WWOX: variants seen among roughly 807,000 people sequenced by gnomAD.
WWOX encodes WW domain containing oxidoreductase, also known as WW domain-containing oxidoreductase.
A neutral mutation model predicts 46.2 loss-of-function variants in WWOX; 69 were observed. The ratio of observed to expected loss-of-function variants is 1.49; its 90% CI spans 1.23 to 1.82. The LOEUF (loss-of-function observed/expected upper bound fraction) is 1.82, where lower values mean the gene tolerates loss of function less well. WWOX is among the 40% of genes most tolerant of loss of function. WWOX has a pLI of 0.00. For synonymous variants in WWOX, 359 were observed against 202.6 expected (o/e 1.77, Z -6.56); for missense variants, 919 against 542.6 (o/e 1.69, Z -6.89).
chr16:78,313,812 C>T (rs908291446), intron 5 of WWOX, among the ~76,000 whole-genome samples: 1 of 152,130 alleles, frequency 6.6e-6, no homozygotes, highest in Non-Finnish European at 1.5e-5. Context: ...GTTTCACTAG[C>T]CTTTGATCCT....
intron 8 of WWOX, among the ~76,000 whole-genome samples, chr16:78,473,519 C>A (rs192890703): frequency 2.9e-3 from 440 of 151,938 alleles, no homozygotes; most frequent in Middle Eastern, 0.01. Context: ...ACCGACTGGC[C>A]CTCTCAGACA....
intron 8 of WWOX, among the ~76,000 whole-genome samples, chr16:79,160,136 T>A (rs185953602): frequency 1.3e-5 from 2 of 152,206 alleles, no homozygotes; most frequent in East Asian, 3.9e-4. Context: ...GCCGTTGGAG[T>A]GGGTGCCACG....
At chr16:79,028,312 G>C (rs1280585111) in intron 8 of WWOX, among the ~76,000 whole-genome samples, 10 of 151,732 alleles carry the variant, frequency 6.6e-5, no homozygotes, top group Non-Finnish European at 1.5e-4. Flanking sequence ...AGTTCCCCTG[G>C]ATGTAGTTGG....
chr16:78,936,600 C>T (rs1347), intron 8 of WWOX, among the ~76,000 whole-genome samples: 102,338 of 151,920 alleles, frequency 0.67, 35,127 homozygotes, highest in African/African-American at 0.81. Context: ...CTGGTACACC[C>T]TGGGCAAGGT....
chr16:79,098,545 AG>A (rs752262949), intron 8 of WWOX, among the ~76,000 whole-genome samples: 2 of 152,250 alleles, frequency 1.3e-5, no homozygotes, highest in Non-Finnish European at 2.9e-5. Context: ...TTTCTCCAAA[AG>A]CAATTATCAC....
At chr16:78,105,274 C>T (rs1597202223) in intron 1 of WWOX, among the ~76,000 whole-genome samples, 1 of 152,118 alleles carries the variant, frequency 6.6e-6, no homozygotes, top group African/African-American at 2.4e-5. Context: ...CCTGCCTGGC[C>T]AACATGGTGA....
chr16:78,853,594 C>T lies in WWOX; in HGVS notation c.1057-358014C>T, dbSNP rs999065037. 4.6e-5 allele frequency among the ~76,000 whole-genome samples: 7 copies of T among 152,258 alleles called. No individual in the cohort carries two copies. The South Asian group carries it at 6.2e-4, about 14-fold the overall frequency. On this transcript the variant is annotated intron_variant, in intron 8 of 8. Coordinates refer to ENST00000566780, the MANE Select transcript of WWOX (RefSeq NM_016373.4). ...CCATGAGGCAGAATCTTTGTATTTT[C>T]TTCTCATCAAGGATTTTATCTGAAA... is the stretch of plus-strand genomic sequence containing the variant.
intron 8 of WWOX, among the ~76,000 whole-genome samples, chr16:78,488,701 A>G (rs1404894601): frequency 1.3e-5 from 2 of 152,066 alleles, no homozygotes; most frequent in African/African-American, 2.4e-5. Context: ...AGTCAAGCAG[A>G]CCTGGAATTT....
In WWOX at chr16:78,934,172, A is replaced by G. The variant is rs189746028; in HGVS notation, c.1057-277436A>G. Among the ~76,000 whole-genome samples the G allele has an allele frequency of 7.6e-3, 1,155 of 151,806 alleles. 8 individuals carry two copies. Among genetic ancestry groups the G allele is most frequent in the Middle Eastern group, 0.02 (6 of 294 alleles). The stretch of plus-strand genomic sequence containing the variant: ...AACGTGGTGAAACCCCGTCTCTACT[A>G]AAAATAGAAAAAGAAATTAGCCTGA... On this transcript the variant is annotated intron_variant, in intron 8 of 8. Coordinates refer to ENST00000566780, the MANE Select transcript of WWOX (RefSeq NM_016373.4).
chr16:78,405,546 T>C (rs1217049234), intron 6 of WWOX, among the ~76,000 whole-genome samples: 5 of 152,228 alleles, frequency 3.3e-5, no homozygotes, highest in Non-Finnish European at 1.5e-5. Context: ...ATTCAGGACA[T>C]TCTCTACCAG....
At chr16:79,023,408 C>T (rs2047574292) in intron 8 of WWOX, among the ~76,000 whole-genome samples, 1 of 152,066 alleles carries the variant, frequency 6.6e-6, no homozygotes, top group Admixed American at 6.5e-5. Flanking sequence ...TTGGTGTTAC[C>T]CTGGAGTTGT....
chr16:78,309,887 C>T (rs1233888210), intron 5 of WWOX, among the ~76,000 whole-genome samples: 1 of 152,056 alleles, frequency 6.6e-6, no homozygotes, highest in African/African-American at 2.4e-5. Context: ...GAGTGTTCTC[C>T]TATGTAAATA....
intron 5 of WWOX, among the ~76,000 whole-genome samples, chr16:78,228,879 C>G (rs563869015): frequency 1.3e-5 from 2 of 152,078 alleles, no homozygotes; most frequent in Non-Finnish European, 2.9e-5. Flanking sequence ...GCCAAGTGTC[C>G]GTAAACTTCA....
At chr16:79,174,155 C>G (rs28373769) in intron 8 of WWOX, among the ~76,000 whole-genome samples, 1 of 152,122 alleles carries the variant, frequency 6.6e-6, no homozygotes, top group South Asian at 2.1e-4. Context: ...AGTGACGATA[C>G]CGGGACACGT....
intron 6 of WWOX, among the ~76,000 whole-genome samples, chr16:78,407,073 G>C (rs1395577092): frequency 6.6e-6 from 1 of 152,208 alleles, no homozygotes; most frequent in Non-Finnish European, 1.5e-5. Flanking sequence ...GCTGTTGAAG[G>C]GAATTGCTGT....
In WWOX at chr16:78,422,684, T is replaced by TATATATATATATATATATATATATACAC. The variant is rs1263877025; in HGVS notation, c.606-2185_606-2184insTATATATATATATATATATATATACACA. On this transcript the variant is annotated intron_variant, in intron 6 of 8. Transcript: ENST00000566780. Reference sequence around the variant, plus strand: ...ACATGTATATATATATATATATATATACACACACACACACACATATATATA... The same window carrying TATATATATATATATATATATATATACAC: ...ACATGTATATATATATATATATATATATATATATATATATATATATATATACACACACACACACACACACATATATATA... Among the ~76,000 whole-genome samples the TATATATATATATATATATATATATACAC allele has an allele frequency of 8.7e-4, 46 of 52,954 alleles. 3 individuals carry two copies. Among genetic ancestry groups the TATATATATATATATATATATATATACAC allele is most frequent in the South Asian group, 1.4e-3 (2 of 1,426 alleles). The allele number at this position is 52,954 out of a possible 152,430, so 34.7% of individuals were successfully genotyped here.
At chr16:79,166,345 C>T (rs906927960) in intron 8 of WWOX, among the ~76,000 whole-genome samples, 1 of 152,126 alleles carries the variant, frequency 6.6e-6, no homozygotes, top group African/African-American at 2.4e-5. Context: ...ACATTATTTC[C>T]ACCACAAAGA....
intron 5 of WWOX, among the ~76,000 whole-genome samples, chr16:78,338,179 TA>T (rs68132402): frequency 0.22 from 26,726 of 119,666 alleles, 8,485 homozygotes; most frequent in African/African-American, 0.37. Context: ...AACAAACTTT[TA>T]AAAAAATTAA....
intron 8 of WWOX, among the ~76,000 whole-genome samples, chr16:79,027,938 T>G (rs766200001): frequency 6.6e-6 from 1 of 151,562 alleles, no homozygotes; most frequent in Non-Finnish European, 1.5e-5. Flanking sequence ...TTTTCCTTTG[T>G]TTTTCTTTTT....
Sources: gnomAD v4.1 joint callset for allele counts (sites outside exome capture counted in the v4.1 genomes callset) on GRCh38, gnomAD v4.1.1 for gene constraint, MANE v1.5 for transcripts, NCBI Gene and HGNC (gene_info 2026-07-23, HGNC 2026-07-21) for gene names.